Variants in DYNC1I1 observed in about 807,000 individuals in gnomAD.
The protein encoded by DYNC1I1 is dynein cytoplasmic 1 intermediate chain 1, also known as cytoplasmic dynein 1 intermediate chain 1.
DYNC1I1 carries 43 observed loss-of-function variants against 86.6 expected under a neutral mutation model. The ratio of observed to expected loss-of-function variants is 0.50; its 90% CI spans 0.39 to 0.64. DYNC1I1 has a LOEUF of 0.64. Ranked by LOEUF, DYNC1I1 falls within the 30% of genes least tolerant of loss-of-function variation. DYNC1I1 has a pLI of 0.00. For synonymous variants in DYNC1I1, 262 were observed against 283.7 expected (o/e 0.92, Z 0.77); for missense variants, 604 against 788.8 (o/e 0.77, Z 2.81).
intron 5 of DYNC1I1, among the ~76,000 whole-genome samples, chr7:95,830,198 C>T (rs1040616328): frequency 3.9e-5 from 6 of 152,044 alleles, no homozygotes; most frequent in Admixed American, 2.0e-4. Flanking sequence ...AATTTAACAC[C>T]TTTACTGAAG....
chr7:96,055,101 C>A (rs2116131213), intron 14 of DYNC1I1, among the ~76,000 whole-genome samples: 1 of 152,218 alleles, frequency 6.6e-6, no homozygotes, highest in Non-Finnish European at 1.5e-5. Context: ...GGTTTTAGGT[C>A]TTACGTTTAA....
intron 5 of DYNC1I1, among the ~76,000 whole-genome samples, chr7:95,855,860 C>T (rs35047059): frequency 0.21 from 31,319 of 152,042 alleles, 3,317 homozygotes; most frequent in African/African-American, 0.24. Flanking sequence ...CTGGAAGTTG[C>T]TCTGGGTTAG....
chr7:95,944,526 A>G (rs1360851654), intron 6 of DYNC1I1, among the ~76,000 whole-genome samples: 1 of 152,210 alleles, frequency 6.6e-6, no homozygotes, highest in African/African-American at 2.4e-5. Context: ...ATTACTGGGT[A>G]TATACCCAAA....
At chr7:96,109,064 C>G (rs1584325485) in intron 16 of DYNC1I1, among the ~76,000 whole-genome samples, 1 of 152,064 alleles carries the variant, frequency 6.6e-6, no homozygotes, top group Non-Finnish European at 1.5e-5. Flanking sequence ...TCTGTAGACT[C>G]TGTACTGCTG....
intron 6 of DYNC1I1, among the ~76,000 whole-genome samples, chr7:95,956,403 CTT>C (rs1792713965): frequency 7.3e-6 from 1 of 137,644 alleles, no homozygotes; most frequent in Admixed American, 7.5e-5. Flanking sequence ...TTTTATTATA[CTT>C]TAAGTTCTGG....
chr7:95,941,435 G>C (rs1323012798), intron 6 of DYNC1I1, among the ~76,000 whole-genome samples: 1 of 152,134 alleles, frequency 6.6e-6, no homozygotes, highest in Non-Finnish European at 1.5e-5. Flanking sequence ...AGGCCTCCTT[G>C]AGCTGTGGTG....
In DYNC1I1 at chr7:96,085,984, C is replaced by T. The variant is rs534282483; in HGVS notation, c.1776+5496C>T. On this transcript the variant is annotated intron_variant, in intron 16 of 16. Transcript: ENST00000447467. ...CATTTTAAAGAATTAAAAATAAAAA[C>T]GACTCATTGCCATGTCTCCATTACT... Among the ~76,000 whole-genome samples the T allele has an allele frequency of 7.9e-5, 12 of 152,146 alleles. No homozygotes were observed. In the South Asian group the frequency reaches 2.5e-3, roughly 32 times the overall value.
intron 6 of DYNC1I1, among the ~76,000 whole-genome samples, chr7:95,940,194 A>T (rs1792166660): frequency 6.6e-6 from 1 of 151,908 alleles, no homozygotes; most frequent in African/African-American, 2.4e-5. Flanking sequence ...CTTCCCTTTG[A>T]GGGTAACCCG....
intron 6 of DYNC1I1, among the ~76,000 whole-genome samples, chr7:95,918,399 T>C (rs773839603): frequency 2.0e-5 from 3 of 152,158 alleles, no homozygotes; most frequent in Admixed American, 6.5e-5. Context: ...TTTCTCTTGT[T>C]CTTCTCCTCC....
intron 10 of DYNC1I1, among the ~76,000 whole-genome samples, chr7:95,998,142 G>A (rs1793917149): frequency 6.6e-6 from 1 of 152,232 alleles, no homozygotes; most frequent in South Asian, 2.1e-4. Context: ...TTGTACAACA[G>A]GGAGGTAAGA....
At chr7:96,026,096 A>G (rs562203708) in intron 10 of DYNC1I1, among the ~76,000 whole-genome samples, 2 of 152,290 alleles carry the variant, frequency 1.3e-5, no homozygotes, top group African/African-American at 4.8e-5. Flanking sequence ...TAAAACAAGA[A>G]GCCGACCAGC....
At chr7:96,058,737 C>T (rs956294907) in intron 14 of DYNC1I1, among the ~76,000 whole-genome samples, 24 of 151,406 alleles carry the variant, frequency 1.6e-4, no homozygotes, top group African/African-American at 3.9e-4. Context: ...TGGGTTCAAG[C>T]GATTCTCCTG....
At chr7:96,099,351 C>G (rs988162470), downstream of DYNC1I1, among the ~76,000 whole-genome samples, 1 of 152,160 alleles carries the variant, frequency 6.6e-6, no homozygotes, top group African/African-American at 2.4e-5. Flanking sequence ...TCCAGGCTGA[C>G]GTTATGTGAC....
At chr7:96,092,462 A>C (rs1400653419) in intron 16 of DYNC1I1, among the ~76,000 whole-genome samples, 1 of 152,224 alleles carries the variant, frequency 6.6e-6, no homozygotes, top group Non-Finnish European at 1.5e-5. Context: ...AAAGACACAC[A>C]GCAAGTTAAT....
chr7:95,948,129 C>A (rs2239954), intron 6 of DYNC1I1, among the ~76,000 whole-genome samples: 58,135 of 151,914 alleles, frequency 0.38, 12,010 homozygotes, highest in Non-Finnish European at 0.46. Flanking sequence ...CCAGCCATCA[C>A]CATCCCTCCA....
At chr7:96,005,238 A>G (rs765259580) in intron 10 of DYNC1I1, among the ~76,000 whole-genome samples, 1 of 152,214 alleles carries the variant, frequency 6.6e-6, no homozygotes, top group African/African-American at 2.4e-5. Context: ...TCATGCCAAG[A>G]GAAGCCAAAA....
chr7:95,793,093 T>A (rs1794347344), intron 1 of DYNC1I1, among the ~76,000 whole-genome samples: 1 of 152,054 alleles, frequency 6.6e-6, no homozygotes, highest in South Asian at 2.1e-4. Context: ...AAGCTCACCC[T>A]GATATTGCGT....
intron 6 of DYNC1I1, among the ~76,000 whole-genome samples, chr7:95,944,095 A>G (rs982990247): frequency 6.6e-6 from 1 of 152,200 alleles, no homozygotes; most frequent in African/African-American, 2.4e-5. Flanking sequence ...GCAACCTACA[A>G]AATTGGAGAA....
In DYNC1I1 at chr7:95,903,209, G is replaced by C. The variant is rs544006424; in HGVS notation, c.490+33211G>C. ...AGTTAGTATTTTAGTAGTAAGTACC[G>C]TATATTGAAGGTGGGAAATAAGAAC... On this transcript the variant is annotated intron_variant, in intron 6 of 16. Transcript: ENST00000447467. 2.4e-4 allele frequency among the ~76,000 whole-genome samples: 36 copies of C among 152,278 alleles called. 1 individual carries two copies. Among genetic ancestry groups the C allele is most frequent in the Middle Eastern group, 3.4e-3 (1 of 294 alleles).
Sources: allele counts gnomAD v4.1 joint callset (sites outside exome capture counted in the v4.1 genomes callset), GRCh38; gene constraint gnomAD v4.1.1; transcripts MANE v1.5; gene names NCBI Gene and HGNC (gene_info 2026-07-23, HGNC 2026-07-21).